SUPT3H: variants seen among roughly 807,000 people sequenced by gnomAD.
SUPT3H encodes SPT3 homolog, SAGA and STAGA complex component.
A neutral mutation model predicts 44.3 loss-of-function variants in SUPT3H; 44 were observed. That is an observed-to-expected ratio of 0.99 (90% CI 0.78 to 1.28). The LOEUF (loss-of-function observed/expected upper bound fraction) is 1.28. SUPT3H is among the 50% of genes most tolerant of loss of function. The pLI is 0.00. For missense variants in SUPT3H, 380 were observed against 387.1 expected (o/e 0.98, Z 0.15); for synonymous variants, 124 against 125.6 (o/e 0.99, Z 0.09).
chr6:44,960,028 T>C (rs1421984105), intron 7 of SUPT3H, among the ~76,000 whole-genome samples: 1 of 152,126 alleles, frequency 6.6e-6, no homozygotes. Context: ...ATAAATAGTT[T>C]TAAATGACCA....
chr6:45,164,597 T>C (rs965556022), intron 2 of SUPT3H, among the ~76,000 whole-genome samples: 3 of 152,122 alleles, frequency 2.0e-5, no homozygotes, highest in Admixed American at 6.6e-5. Flanking sequence ...TTTTCCGCCT[T>C]TGTTTTTTGC....
At chr6:44,869,908 G>C (rs1776086434) in intron 10 of SUPT3H, among the ~76,000 whole-genome samples, 1 of 152,232 alleles carries the variant, frequency 6.6e-6, no homozygotes, top group East Asian at 1.9e-4. Flanking sequence ...AGGGAGAATA[G>C]TGGAGATGAG....
intron 2 of SUPT3H, among the ~76,000 whole-genome samples, chr6:45,358,150 C>T (rs1793577781): frequency 6.6e-6 from 1 of 152,058 alleles, no homozygotes. Context: ...CAGGTTATAA[C>T]ATGTAAAATG....
intron 9 of SUPT3H, among the ~76,000 whole-genome samples, chr6:44,934,753 G>C (rs1771147013): frequency 6.6e-6 from 1 of 152,160 alleles, no homozygotes; most frequent in African/African-American, 2.4e-5. Context: ...CACTGAATTT[G>C]CCAATGTCTT....
At chr6:44,895,811 G>T (rs1764039775) in intron 10 of SUPT3H, among the ~76,000 whole-genome samples, 1 of 152,030 alleles carries the variant, frequency 6.6e-6, no homozygotes, top group South Asian at 2.1e-4. Context: ...GCTTTAATAG[G>T]CTGTATAATG....
chr6:45,300,202 G>A (rs929299195), intron 2 of SUPT3H, among the ~76,000 whole-genome samples: 2 of 152,096 alleles, frequency 1.3e-5, no homozygotes, highest in Non-Finnish European at 2.9e-5. Context: ...TTCTTTCTAT[G>A]CAAGTCTTAT....
chr6:45,260,582 T>C (rs1236270245), intron 2 of SUPT3H, among the ~76,000 whole-genome samples: 3 of 152,008 alleles, frequency 2.0e-5, no homozygotes, highest in African/African-American at 4.8e-5. Flanking sequence ...TCTCATAACA[T>C]AGATTATCTT....
chr6:45,124,135 T>C (rs1054232368), intron 2 of SUPT3H, among the ~76,000 whole-genome samples: 3 of 152,140 alleles, frequency 2.0e-5, no homozygotes, highest in South Asian at 4.1e-4. Context: ...AAGGAAAATA[T>C]ATTCAAATAA....
intron 3 of SUPT3H, among the ~76,000 whole-genome samples, chr6:45,034,544 C>T (rs550408352): frequency 6.6e-6 from 1 of 152,138 alleles, no homozygotes; most frequent in Admixed American, 6.6e-5. Context: ...TAGTTCTGTT[C>T]AGACTATTTA....
intron 2 of SUPT3H, among the ~76,000 whole-genome samples, chr6:45,176,280 G>A (rs1331620858): frequency 1.3e-5 from 2 of 151,660 alleles, no homozygotes; most frequent in African/African-American, 4.8e-5. Context: ...GAGGGGTCAA[G>A]AACTTCCCTT....
intron 2 of SUPT3H, among the ~76,000 whole-genome samples, chr6:45,205,710 T>C (rs923664006): frequency 2.0e-5 from 3 of 152,016 alleles, no homozygotes; most frequent in African/African-American, 7.2e-5. Flanking sequence ...GGCAGGAGAA[T>C]TGCTTGAACC....
intron 3 of SUPT3H, among the ~76,000 whole-genome samples, chr6:45,080,022 T>C (rs1047431551): frequency 6.6e-6 from 1 of 152,004 alleles, no homozygotes; most frequent in African/African-American, 2.4e-5. Context: ...ACCCACAAAA[T>C]GGGAGAAAAT....
intron 11 of SUPT3H, among the ~76,000 whole-genome samples, chr6:44,815,724 T>G (rs1260407376): frequency 1.3e-5 from 2 of 152,098 alleles, no homozygotes; most frequent in Non-Finnish European, 2.9e-5. Flanking sequence ...AAGTCTACAA[T>G]ATTAATTGAA....
chr6:44,928,688 G>A (rs916105390), intron 10 of SUPT3H, among the ~76,000 whole-genome samples: 9 of 151,440 alleles, frequency 5.9e-5, no homozygotes, highest in African/African-American at 1.5e-4. Context: ...GAGGTCAGGA[G>A]ATCGAGACCA....
chr6:45,185,869 C>A (rs539800840), intron 2 of SUPT3H, among the ~76,000 whole-genome samples: 1 of 152,328 alleles, frequency 6.6e-6, no homozygotes, highest in South Asian at 2.1e-4. Context: ...CTCCACTCCA[C>A]CCATCAGGAT....
At chr6:45,249,245 C>A (rs539024513) in intron 2 of SUPT3H, among the ~76,000 whole-genome samples, 1 of 152,100 alleles carries the variant, frequency 6.6e-6, no homozygotes, top group South Asian at 2.1e-4. Context: ...TAGCATTATT[C>A]TTTTATTTTG....
intron 2 of SUPT3H, among the ~76,000 whole-genome samples, chr6:45,248,860 A>G (rs769088484): frequency 6.6e-5 from 10 of 151,442 alleles, no homozygotes; most frequent in Admixed American, 3.3e-4. Flanking sequence ...GGTTGCAGTG[A>G]GCTGAAATCA....
At chr6:45,308,758 A>T (rs1024942258) in intron 2 of SUPT3H, among the ~76,000 whole-genome samples, 37 of 304 alleles carry the variant, frequency 0.12, no homozygotes, top group East Asian at 0.5. Flanking sequence ...AATAAATTTA[A>T]AAAAAAAAAA....
intron 2 of SUPT3H, among the ~76,000 whole-genome samples, chr6:45,137,899 C>CA (rs1183095969): frequency 1.3e-5 from 2 of 151,384 alleles, no homozygotes. Context: ...TTTTTCATTT[C>CA]AAAAAAACAA....
Sources: gnomAD v4.1 joint callset for allele counts (sites outside exome capture counted in the v4.1 genomes callset) on GRCh38, gnomAD v4.1.1 for gene constraint, MANE v1.5 for transcripts, NCBI Gene and HGNC (gene_info 2026-07-23, HGNC 2026-07-21) for gene names.